Variants in DDAH1 observed in about 807,000 individuals in gnomAD.
DDAH1 encodes N(G),N(G)-dimethylarginine dimethylaminohydrolase 1.
DDAH1 carries 19 observed loss-of-function variants against 28.8 expected under a neutral mutation model. The observed-to-expected ratio is 0.66, with a 90% CI of 0.46 to 0.97. The LOEUF is 0.97. DDAH1 is among the 50% of genes least tolerant of loss of function. The pLI is 0.00. For missense variants in DDAH1, 326 were observed against 375.9 expected, an observed-to-expected ratio of 0.87 and a Z score of 1.10; for synonymous variants, 153 against 154.4, an observed-to-expected ratio of 0.99 and a Z score of 0.07.
At chr1:85,428,209 C>T (rs1036490168) in intron 1 of DDAH1, among the ~76,000 whole-genome samples, 7 of 152,076 alleles carry the variant, frequency 4.6e-5, no homozygotes, top group African/African-American at 7.2e-5. Flanking sequence ...TGATTGGAGA[C>T]GGCATTAGTC....
chr1:85,403,864 T>C (rs1378692597), intron 1 of DDAH1, among the ~76,000 whole-genome samples: 1 of 152,170 alleles, frequency 6.6e-6, no homozygotes, highest in Non-Finnish European at 1.5e-5. Context: ...ACTAGAAAAA[T>C]AATTCAATGG....
intron 1 of DDAH1, chr1:85,404,580 CT>C: frequency 7.5e-7 from 1 of 1,333,018 alleles, no homozygotes; most frequent in Non-Finnish European, 9.6e-7. Flanking sequence ...TTTCCAGACT[CT>C]TGTGGGAATA....
rs1652542733 is a variant in DDAH1, at chr1:85,409,374, CACT to C, written c.304-50530_304-50528del. On this transcript the variant is annotated intron_variant, in intron 1 of 5. Transcript: ENST00000284031. ...CCCAAAGAGAAAGATCTGATCATGT[CACT>C]GCCCAAATGAAACACCTTCATTATT... is the stretch of plus-strand genomic sequence containing the variant. Among the ~76,000 whole-genome samples, 4 of 152,274 alleles carry C rather than the reference CACT, an allele frequency of 2.6e-5. No individual in the cohort carries two copies. In the South Asian group the frequency reaches 8.3e-4, roughly 32 times the overall value.
chr1:85,386,052 G>A (rs977133772), intron 1 of DDAH1, among the ~76,000 whole-genome samples: 2 of 152,138 alleles, frequency 1.3e-5, no homozygotes, highest in African/African-American at 4.8e-5. Flanking sequence ...CTACCCCCAT[G>A]ACACAAACAC....
At chr1:85,386,550 G>A (rs1490704618) in intron 1 of DDAH1, among the ~76,000 whole-genome samples, 1 of 152,198 alleles carries the variant, frequency 6.6e-6, no homozygotes, top group Non-Finnish European at 1.5e-5. Context: ...AGCTTTGCTG[G>A]GCAGCACACA....
chr1:85,423,733 C>CA (rs1488721544), intron 1 of DDAH1, among the ~76,000 whole-genome samples: 2 of 152,092 alleles, frequency 1.3e-5, no homozygotes, highest in East Asian at 1.9e-4. Flanking sequence ...GACAATCATG[C>CA]AAAAAATAGC....
At chr1:85,398,662 A>G (rs1651927277) in intron 1 of DDAH1, 1 of 152,214 alleles carries the variant, frequency 6.6e-6, no homozygotes, top group Admixed American at 6.5e-5. Context: ...CAGGTTGAGA[A>G]TTTGCTAACT....
intron 1 of DDAH1, among the ~76,000 whole-genome samples, chr1:85,550,167 T>C (rs938033781): frequency 6.6e-6 from 1 of 152,240 alleles, no homozygotes; most frequent in Non-Finnish European, 1.5e-5. Context: ...CACTGTTTCC[T>C]AACTCTTTAG....
chr1:85,364,863 A>G (rs1271030652), intron 1 of DDAH1, among the ~76,000 whole-genome samples: 1 of 152,116 alleles, frequency 6.6e-6, no homozygotes, highest in Non-Finnish European at 1.5e-5. Flanking sequence ...GACTACTAAA[A>G]CTAGCCAAAA....
chr1:85,381,319 T>G (rs1650975819), intron 1 of DDAH1, among the ~76,000 whole-genome samples: 1 of 147,778 alleles, frequency 6.8e-6, no homozygotes, highest in African/African-American at 2.5e-5. Context: ...TTACAAAGAT[T>G]GTCATTACAA....
chr1:85,508,101 C>T (rs1657087391), intron 1 of DDAH1, among the ~76,000 whole-genome samples: 1 of 152,176 alleles, frequency 6.6e-6, no homozygotes, highest in Non-Finnish European at 1.5e-5. Flanking sequence ...ACTGCCAGAT[C>T]TTCTCCTTTG....
At chr1:85,466,832 C>CTTTTTTTTTTTTTTTTTTTTTT (rs10675813), upstream of DDAH1, among the ~76,000 whole-genome samples, 9 of 70,722 alleles carry the variant, frequency 1.3e-4, 2 homozygotes, top group African/African-American at 3.5e-4. Flanking sequence ...ATTATTTATT[C>CTTTTTTTTTTTTTTTTTTTTTT]TTTTTTTTTT....
intron 1 of DDAH1, among the ~76,000 whole-genome samples, chr1:85,463,762 T>G (rs751734304): frequency 1.3e-5 from 2 of 152,150 alleles, no homozygotes; most frequent in African/African-American, 4.8e-5. Context: ...TCTCCAGAAA[T>G]GAAAGAAACC....
intron 1 of DDAH1, among the ~76,000 whole-genome samples, chr1:85,394,227 A>G (rs10747318): frequency 0.82 from 124,427 of 152,116 alleles, 51,045 homozygotes; most frequent in Middle Eastern, 0.9. Context: ...TCATGAGACT[A>G]GGTTAATTCC....
intron 1 of DDAH1, among the ~76,000 whole-genome samples, chr1:85,508,941 T>C (rs1291181776): frequency 6.6e-6 from 1 of 152,242 alleles, no homozygotes; most frequent in African/African-American, 2.4e-5. Flanking sequence ...TAAACATCCC[T>C]GTCTGACAGC....
At chr1:85,416,305 C>G (rs1196458897) in intron 1 of DDAH1, among the ~76,000 whole-genome samples, 1 of 151,892 alleles carries the variant, frequency 6.6e-6, no homozygotes, top group Non-Finnish European at 1.5e-5. Context: ...AAGCGATTCT[C>G]CTGCCTCAGC....
chr1:85,485,437 T>C (rs1656170942), intron 2 of DDAH1, among the ~76,000 whole-genome samples: 1 of 152,138 alleles, frequency 6.6e-6, no homozygotes, highest in Admixed American at 6.5e-5. Context: ...TCCAGAAATT[T>C]TGCAGATTTG....
In DDAH1 at chr1:85,501,111, A is replaced by AT. The variant is rs1302141454; in HGVS notation, c.-122-4831dup. Among the ~76,000 whole-genome samples the AT allele has an allele frequency of 1.3e-5, 2 of 152,174 alleles. 1 individual carries two copies. Among genetic ancestry groups the AT allele is most frequent in the Admixed American group, 1.3e-4 (2 of 15,276 alleles). On this transcript the variant is annotated intron_variant, in intron 1 of 6. Coordinates refer to the DDAH1 transcript ENST00000426972. ...CTGTTGTGGTCATGCCTCTTCACAT[A>AT]TCTAGTAATTTTTGAATTGTATGCT...
intron 1 of DDAH1, among the ~76,000 whole-genome samples, chr1:85,371,912 G>A (rs1650403773): frequency 6.6e-6 from 1 of 152,106 alleles, no homozygotes; most frequent in Non-Finnish European, 1.5e-5. Context: ...GTACAAGTTG[G>A]TGCTTTTTTG....
Sources: gnomAD v4.1 joint callset for allele counts (sites outside exome capture counted in the v4.1 genomes callset) on GRCh38, gnomAD v4.1.1 for gene constraint, MANE v1.5 for transcripts, NCBI Gene and HGNC (gene_info 2026-07-23, HGNC 2026-07-21) for gene names.